Variants in GRID2 observed in about 807,000 individuals in gnomAD.
GRID2 encodes the protein glutamate ionotropic receptor delta type subunit 2, also known as glutamate receptor ionotropic, delta-2.
In GRID2, 33 loss-of-function variants were observed where a neutral mutation model predicts 114.8. That is an observed-to-expected ratio of 0.29 (90% CI 0.22 to 0.38). The LOEUF is 0.38. Ranked by LOEUF, GRID2 falls within the 10% of genes least tolerant of loss-of-function variation. The pLI, the probability that GRID2 is intolerant of heterozygous loss-of-function variation, is 1.00. For synonymous variants in GRID2, 505 were observed against 449.9 expected (o/e 1.12, Z -1.55); for missense variants, 1,184 against 1,257.7 (o/e 0.94, Z 0.89).
intron 1 of GRID2, among the ~76,000 whole-genome samples, chr4:92,485,092 C>G (rs2149108127): frequency 6.6e-6 from 1 of 150,806 alleles, no homozygotes; most frequent in South Asian, 2.1e-4. Context: ...TATCATTACT[C>G]TTATTTTCGA....
chr4:92,638,828 AAATATCT>A (rs1431382343), intron 2 of GRID2, among the ~76,000 whole-genome samples: 2 of 151,030 alleles, frequency 1.3e-5, no homozygotes, highest in African/African-American at 4.8e-5. Flanking sequence ...TTTGTCTTTG[AAATATCT>A]AATATCCAAA....
At chr4:92,313,832 T>C (rs1045521259) in intron 1 of GRID2, among the ~76,000 whole-genome samples, 2 of 152,096 alleles carry the variant, frequency 1.3e-5, no homozygotes, top group Non-Finnish European at 1.5e-5. Flanking sequence ...GACAAAATAC[T>C]GATTGTAGAG....
chr4:93,766,570 A>C (rs1733695223), intron 14 of GRID2, among the ~76,000 whole-genome samples: 1 of 152,248 alleles, frequency 6.6e-6, no homozygotes, highest in Non-Finnish European at 1.5e-5. Flanking sequence ...GGTGTGATGC[A>C]AATAGGAGAG....
At chr4:92,880,996 G>A (rs902068745) in intron 2 of GRID2, among the ~76,000 whole-genome samples, 1 of 152,006 alleles carries the variant, frequency 6.6e-6, no homozygotes, top group Non-Finnish European at 1.5e-5. Context: ...TCTGCCTCCC[G>A]AGTTCAAGCG....
At chr4:93,193,255 C>T (rs1202503442) in intron 4 of GRID2, among the ~76,000 whole-genome samples, 3 of 152,062 alleles carry the variant, frequency 2.0e-5, no homozygotes, top group Admixed American at 2.0e-4. Context: ...CTGAAGGAGA[C>T]CGAGGGATCA....
intron 11 of GRID2, among the ~76,000 whole-genome samples, chr4:93,475,465 C>T (rs1276503146): frequency 6.6e-6 from 1 of 152,062 alleles, no homozygotes; most frequent in Admixed American, 6.6e-5. Context: ...TAATTTAAAA[C>T]TAATCTCCAG....
chr4:92,852,234 G>A (rs2149424210), intron 2 of GRID2, among the ~76,000 whole-genome samples: 1 of 151,782 alleles, frequency 6.6e-6, no homozygotes, highest in East Asian at 1.9e-4. Flanking sequence ...AAAAAATCAT[G>A]TTCTATTTTA....
chr4:92,506,804 GTGTCTTCC>G lies in GRID2; in HGVS notation c.89-83325_89-83318del, dbSNP rs1723996865. Reference sequence around the variant, plus strand: ...TTGAGACAATAGGTTGATGTGGTATGTGTCTTCCTATTTCTACTCAGGATATAACAGAA... The same window carrying G: ...TTGAGACAATAGGTTGATGTGGTATGTATTTCTACTCAGGATATAACAGAA... On this transcript the variant is annotated intron_variant, in intron 1 of 15. Transcript: ENST00000282020. 7.2e-5 allele frequency among the ~76,000 whole-genome samples: 11 copies of G among 152,034 alleles called. No individual in the cohort carries two copies. In the South Asian group the frequency reaches 2.1e-3, roughly 29 times the overall value.
At chr4:93,113,641 GAA>G (rs1732977861) in intron 4 of GRID2, among the ~76,000 whole-genome samples, 1 of 152,290 alleles carries the variant, frequency 6.6e-6, no homozygotes, top group East Asian at 1.9e-4. Flanking sequence ...GAAGGAAAAT[GAA>G]AGAGTATCAG....
At chr4:92,582,968 C>G (rs967957267) in intron 1 of GRID2, among the ~76,000 whole-genome samples, 2 of 151,780 alleles carry the variant, frequency 1.3e-5, no homozygotes. Context: ...GCCTGGGTGA[C>G]AGAGAAAGAC....
At chr4:93,332,264 G>GCA (rs764995762) in intron 8 of GRID2, among the ~76,000 whole-genome samples, 20 of 94,228 alleles carry the variant, frequency 2.1e-4, no homozygotes, top group African/African-American at 1.3e-3. Flanking sequence ...GTGTGTGTGT[G>GCA]TGCGTGTGTG....
chr4:93,500,765 A>G (rs1189991692), intron 12 of GRID2, among the ~76,000 whole-genome samples: 1 of 152,032 alleles, frequency 6.6e-6, no homozygotes, highest in Non-Finnish European at 1.5e-5. Flanking sequence ...TCAGGTTGCT[A>G]CTAATAGAGA....
At chr4:93,146,873 G>A (rs1446402295) in intron 4 of GRID2, among the ~76,000 whole-genome samples, 1 of 152,062 alleles carries the variant, frequency 6.6e-6, no homozygotes, top group Non-Finnish European at 1.5e-5. Context: ...AAAATATTGA[G>A]TATTTACCAT....
chr4:92,641,349 A>T (rs1301791578), intron 2 of GRID2, among the ~76,000 whole-genome samples: 1 of 151,708 alleles, frequency 6.6e-6, no homozygotes, highest in Non-Finnish European at 1.5e-5. Flanking sequence ...GCTGGACTCA[A>T]TCATGGCTTA....
intron 1 of GRID2, among the ~76,000 whole-genome samples, chr4:92,570,940 C>A (rs1473861426): frequency 6.6e-6 from 1 of 152,096 alleles, no homozygotes; most frequent in Non-Finnish European, 1.5e-5. Context: ...GTCTTTCTTT[C>A]TTTCTTTTGC....
intron 11 of GRID2, among the ~76,000 whole-genome samples, chr4:93,458,869 G>A (rs530765310): frequency 8.7e-4 from 132 of 152,176 alleles, no homozygotes; most frequent in African/African-American, 1.8e-3. Flanking sequence ...CCAAGAATGC[G>A]AATGTAAAGA....
intron 2 of GRID2, among the ~76,000 whole-genome samples, chr4:93,014,871 A>G (rs1417938719): frequency 1.3e-5 from 2 of 152,144 alleles, no homozygotes; most frequent in Admixed American, 1.3e-4. Flanking sequence ...GGCTAATGAA[A>G]TAGTGGATCT....
intron 1 of GRID2, among the ~76,000 whole-genome samples, chr4:92,311,663 A>C (rs1218600043): frequency 6.6e-6 from 1 of 152,100 alleles, no homozygotes; most frequent in African/African-American, 2.4e-5. Context: ...GTAAGCTTAA[A>C]TAAGATATTT....
At chr4:93,305,078 T>A (rs1331737874) in intron 8 of GRID2, among the ~76,000 whole-genome samples, 5 of 151,610 alleles carry the variant, frequency 3.3e-5, no homozygotes, top group Admixed American at 3.3e-4. Flanking sequence ...TTTTTAAGAG[T>A]TTTAATGAAC....
Sources: gnomAD v4.1 joint callset for allele counts (sites outside exome capture counted in the v4.1 genomes callset) on GRCh38, gnomAD v4.1.1 for gene constraint, MANE v1.5 for transcripts, NCBI Gene and HGNC (gene_info 2026-07-23, HGNC 2026-07-21) for gene names.